ACSS2: variants seen among roughly 807,000 people sequenced by gnomAD.
The protein encoded by ACSS2 is acetyl-coenzyme A synthetase, cytoplasmic.
In ACSS2, 58 loss-of-function variants were observed where a neutral mutation model predicts 90.6. The observed-to-expected ratio is 0.64, with a 90% CI of 0.52 to 0.80. ACSS2 has a LOEUF of 0.80. Among genes scored for constraint, ACSS2 ranks in the 30% least tolerant of loss-of-function variants. ACSS2 has a pLI of 0.00. For synonymous variants in ACSS2, 300 were observed against 330.9 expected (o/e 0.91, Z 1.01); for missense variants, 759 against 912.0 (o/e 0.83, Z 2.16).
At chr20:34,911,209 CAG>C (rs1040977978) in intron 2 of ACSS2, among the ~76,000 whole-genome samples, 1 of 122,736 alleles carries the variant, frequency 8.1e-6, no homozygotes, top group Non-Finnish European at 1.7e-5. Flanking sequence ...TTTTTTGAGA[CAG>C]AGTTTCATTC....
At chr20:34,896,900 G>C (rs2080475695) in intron 2 of ACSS2, among the ~76,000 whole-genome samples, 1 of 152,118 alleles carries the variant, frequency 6.6e-6, no homozygotes, top group Non-Finnish European at 1.5e-5. Context: ...TGTGGTGGCG[G>C]GGGCCTGTAG....
At chr20:34,914,563 A>G (rs761162426) in intron 7 of ACSS2, 126 bp downstream of exon 7, 19 of 821,732 alleles carry the variant, frequency 2.3e-5, no homozygotes, top group Non-Finnish European at 3.5e-5. Context: ...AATTCTAGGA[A>G]TGCCTCCTCT....
chr20:34,911,034 T>A (rs2080943029), intron 2 of ACSS2, among the ~76,000 whole-genome samples: 1 of 152,084 alleles, frequency 6.6e-6, no homozygotes, highest in Non-Finnish European at 1.5e-5. Flanking sequence ...TTTGCTGTGT[T>A]GCTCAGATTG....
upstream of ACSS2, among the ~76,000 whole-genome samples, chr20:34,875,695 AC>A (rs760208516): frequency 1.4e-4 from 21 of 152,372 alleles, no homozygotes; most frequent in Middle Eastern, 3.4e-3. Context: ...GAGTCAAAGA[AC>A]CTAGCTTTGG....
At chr20:34,880,702 A>T (rs2080051815) in intron 1 of ACSS2, among the ~76,000 whole-genome samples, 1 of 152,010 alleles carries the variant, frequency 6.6e-6, no homozygotes, top group African/African-American at 2.4e-5. Context: ...GGGCTTAATA[A>T]TTTTTTTAAA....
At chr20:34,895,276 AT>A (rs1265990384) in intron 2 of ACSS2, among the ~76,000 whole-genome samples, 1 of 152,200 alleles carries the variant, frequency 6.6e-6, no homozygotes, top group African/African-American at 2.4e-5. Context: ...CTTTCAAAAC[AT>A]TGGCACTGCA....
chr20:34,922,422 GGTGAAACCCC>G (rs1475832373), intron 13 of ACSS2: 1 of 152,446 alleles, frequency 6.6e-6, no homozygotes, highest in East Asian at 1.9e-4. Flanking sequence ...TGGCCAACAT[GGTGAAACCCC>G]GTCTTTACCA....
At chr20:34,887,674 G>T (rs562765521) in intron 2 of ACSS2, among the ~76,000 whole-genome samples, 13 of 152,274 alleles carry the variant, frequency 8.5e-5, no homozygotes, top group African/African-American at 3.1e-4. Flanking sequence ...CCAGGAGGCA[G>T]AGGTTGTAGT....
intron 1 of ACSS2, among the ~76,000 whole-genome samples, chr20:34,878,241 A>G (rs1019987827): frequency 6.6e-6 from 1 of 152,198 alleles, no homozygotes; most frequent in Non-Finnish European, 1.5e-5. Context: ...CTAGCCAAGG[A>G]GTCAAAATTG....
rs746935094 is a variant in ACSS2 at position 34,919,434 on chromosome 20, G to T, written c.835-1G>T. ...CAGTTCTTCCCTGCCCATCCCTGCA[G>T]ATCTCATGGAACCAAGGGATTGACT... On this transcript the variant is annotated splice_acceptor_variant, in intron 7 of 17. Coordinates refer to ENST00000360596, the MANE Select transcript of ACSS2 (RefSeq NM_018677.4). LOFTEE classifies it high-confidence loss of function. The T allele has an allele frequency of 3.7e-6, 6 of 1,613,830 alleles. No individual in the cohort carries two copies. The highest frequency in any genetic ancestry group is 4.2e-6 in the Non-Finnish European group (5 of 1,180,010).
rs1227972934 is a variant in ACSS2 at position 34,921,856 on chromosome 20, A to G, written c.1538A>G (p.Glu513Gly). The G allele has an allele frequency of 6.2e-7, 1 of 1,613,834 alleles. No homozygotes were observed. The highest frequency in any genetic ancestry group is 2.2e-5 in the East Asian group (1 of 44,880). Residue 513 changes from glutamate to glycine, a missense_variant, in exon 13 of 18, where the codon GAA (glutamate) becomes GGA (glycine). Transcript: ENST00000360596. ...GGGGAAGAGTTGGAAGGTGAAGCTGAAGGTTATCTGGTGAGGCCCTGGCCC... is the reference window on the plus strand; with the variant it reads ...GGGGAAGAGTTGGAAGGTGAAGCTGGAGGTTATCTGGTGAGGCCCTGGCCC... ...ESGEELEGEAEGYLVFKQPWP... is the reference protein window; with the variant it reads ...ESGEELEGEAGGYLVFKQPWP...
chr20:34,905,420 C>A lies in ACSS2; in HGVS notation c.375-7676C>A, dbSNP rs926458616. On this transcript the variant is annotated intron_variant, in intron 2 of 17. Transcript: ENST00000360596. ...CCCGAGTAGCTGGGACTACAGGCGC[C>A]CGCCACCACCCCCGGCTAATTTTTT... Among the ~76,000 whole-genome samples the A allele has an allele frequency of 3.3e-5, 5 of 151,990 alleles. No individual in the cohort carries two copies. In the South Asian group the frequency reaches 1.0e-3, roughly 32 times the overall value.
chr20:34,875,069 A>C (rs1601259521), upstream of ACSS2: 1 of 534,634 alleles, frequency 1.9e-6, no homozygotes, highest in Non-Finnish European at 3.8e-6. Context: ...ATATTTAAGA[A>C]TCCTTCCTGC....
intron 2 of ACSS2, among the ~76,000 whole-genome samples, chr20:34,899,860 G>C (rs886895161): frequency 6.6e-6 from 1 of 152,110 alleles, no homozygotes; most frequent in Non-Finnish European, 1.5e-5. Context: ...CATGAATAAC[G>C]CTACTACAAA....
Position 34,926,870 on chromosome 20 carries a change from G to T in ACSS2, c.1904-7G>T, listed in dbSNP as rs1330796757. 1 of 1,613,892 alleles carries T rather than the reference G, an allele frequency of 6.2e-7. No homozygotes were observed. Among genetic ancestry groups the T allele is most frequent in the East Asian group, 2.2e-5 (1 of 44,890 alleles). On this transcript the variant is annotated splice_region_variant and splice_polypyrimidine_tract_variant and intron_variant, in intron 16 of 17. Transcript: ENST00000360596. ...TGAAGAAATGCTTGATGATTTGTTG[G>T]TTACAGTTAGAGAAAAGATTGGCCC...
intron 8 of ACSS2, 108 bp downstream of exon 8, chr20:34,919,680 T>C: frequency 7.0e-7 from 1 of 1,435,948 alleles, no homozygotes; most frequent in Non-Finnish European, 9.3e-7. Context: ...ATTTTTTTCC[T>C]ACAACCCTGA....
chr20:34,892,944 T>C (rs1195656224), intron 2 of ACSS2, among the ~76,000 whole-genome samples: 1 of 152,242 alleles, frequency 6.6e-6, no homozygotes, highest in Non-Finnish European at 1.5e-5. Flanking sequence ...GTTCCTCATA[T>C]GATGTGGCTT....
chr20:34,924,057 C>A (rs2081263250), intron 14 of ACSS2, among the ~76,000 whole-genome samples: 1 of 152,124 alleles, frequency 6.6e-6, no homozygotes, highest in Non-Finnish European at 1.5e-5. Flanking sequence ...GCCATCCGAA[C>A]TTTGATGTAT....
intron 14 of ACSS2, 121 bp downstream of exon 14, chr20:34,923,552 A>C: frequency 1.3e-6 from 1 of 745,722 alleles, no homozygotes. Context: ...ATTTATAAAG[A>C]AAAGAGGTTT....
Sources: allele counts gnomAD v4.1 joint callset (sites outside exome capture counted in the v4.1 genomes callset), GRCh38; gene constraint gnomAD v4.1.1; transcripts MANE v1.5; gene names NCBI Gene and HGNC (gene_info 2026-07-23, HGNC 2026-07-21).